Variants in TTLL11 observed in about 807,000 individuals in gnomAD.
TTLL11 encodes the protein tubulin tyrosine ligase like 11.
TTLL11 carries 42 observed loss-of-function variants against 51.7 expected under a neutral mutation model. That is an observed-to-expected ratio of 0.81 (90% CI 0.64 to 1.05). The LOEUF (loss-of-function observed/expected upper bound fraction) is 1.05. TTLL11 is among the 50% of genes least tolerant of loss of function. The probability of loss-of-function intolerance (pLI) is 0.00; values close to 1 mark genes in which losing one functional copy is unlikely to be tolerated. For synonymous variants in TTLL11, 381 were observed against 383.5 expected, an observed-to-expected ratio of 0.99 and a Z score of 0.08; for missense variants, 799 against 940.4, an observed-to-expected ratio of 0.85 and a Z score of 1.97.
At chr9:121,918,203 C>G (rs1315115285) in intron 6 of TTLL11, among the ~76,000 whole-genome samples, 1 of 152,142 alleles carries the variant, frequency 6.6e-6, no homozygotes, top group Admixed American at 6.5e-5. Context: ...GGGAGACTCT[C>G]CACATCTTTG....
At chr9:121,992,072 C>T (rs959478838) in intron 3 of TTLL11, among the ~76,000 whole-genome samples, 2 of 152,196 alleles carry the variant, frequency 1.3e-5, no homozygotes, top group African/African-American at 2.4e-5. Context: ...ACTCTGGCCT[C>T]ACCCTAAAGA....
intron 1 of TTLL11, among the ~76,000 whole-genome samples, chr9:122,064,053 T>C (rs893605909): frequency 2.0e-5 from 3 of 152,242 alleles, no homozygotes; most frequent in African/African-American, 7.2e-5. Context: ...AATGTTCTTA[T>C]TCTCTTCTAA....
chr9:122,065,163 G>A (rs924120254), intron 1 of TTLL11, among the ~76,000 whole-genome samples: 3 of 152,186 alleles, frequency 2.0e-5, no homozygotes, highest in African/African-American at 7.2e-5. Context: ...GTGATTCTTA[G>A]GATCAGACAA....
At chr9:121,860,011 A>G (rs1837955883) in intron 8 of TTLL11, among the ~76,000 whole-genome samples, 1 of 152,194 alleles carries the variant, frequency 6.6e-6, no homozygotes, top group Non-Finnish European at 1.5e-5. Context: ...ACCAAGCACT[A>G]TACCCTCCAG....
At chr9:122,008,049 G>T (rs747927123) in intron 3 of TTLL11, among the ~76,000 whole-genome samples, 28 of 152,094 alleles carry the variant, frequency 1.8e-4, no homozygotes, top group Non-Finnish European at 1.0e-4. Context: ...GTGTATCCTG[G>T]ATCTAATACT....
chr9:121,959,837 C>T (rs73662543), intron 6 of TTLL11, among the ~76,000 whole-genome samples: 11,730 of 151,962 alleles, frequency 0.077, 682 homozygotes, highest in African/African-American at 0.16. Context: ...GCAGCTCTGG[C>T]CCCATCTCTT....
intron 6 of TTLL11, among the ~76,000 whole-genome samples, chr9:121,945,560 C>A (rs1000939500): frequency 2.0e-5 from 3 of 152,166 alleles, no homozygotes; most frequent in African/African-American, 7.2e-5. Context: ...ATCTAAAGCT[C>A]CTTAACCTGG....
chr9:121,877,641 G>A (rs4836869), intron 6 of TTLL11, among the ~76,000 whole-genome samples: 104,114 of 152,044 alleles, frequency 0.68, 35,826 homozygotes, highest in East Asian at 0.89. Flanking sequence ...ACATCAAAAC[G>A]CAACAAAACA....
At chr9:122,057,168 C>T (rs1181338022) in intron 1 of TTLL11, among the ~76,000 whole-genome samples, 4 of 152,116 alleles carry the variant, frequency 2.6e-5, no homozygotes, top group Middle Eastern at 3.2e-3. Flanking sequence ...GGGAGGATGG[C>T]ATTTTACTGC....
Position 122,092,871 on chromosome 9 carries a change from G to A in TTLL11, c.278C>T (p.Pro93Leu), listed in dbSNP as rs1401367677. The A allele has an allele frequency of 1.9e-6, 3 of 1,571,872 alleles. No homozygotes were observed. The highest frequency in any genetic ancestry group is 2.6e-6 in the Non-Finnish European group (3 of 1,166,410). Residue 93 changes from proline to leucine, a missense_variant, in exon 1 of 9, where the codon CCG becomes CTG. By Grantham distance (98) the Pro-to-Leu change is moderately conservative. Coordinates refer to ENST00000321582, the MANE Select transcript of TTLL11 (RefSeq NM_001139442.2). ...CGGGCAGAGGCCCTGCACCGGCTTCGGCTTGGACGGGGGCAGCGTGGGCGG... is the reference window on the plus strand; with the variant it reads ...CGGGCAGAGGCCCTGCACCGGCTTCAGCTTGGACGGGGGCAGCGTGGGCGG... Reference protein sequence around the residue: ...RPPPTLPPSKPKPVQGLCPHG... With the variant: ...RPPPTLPPSKLKPVQGLCPHG...
chr9:121,887,321 A>G (rs1242502556), intron 6 of TTLL11, among the ~76,000 whole-genome samples: 1 of 152,142 alleles, frequency 6.6e-6, no homozygotes, highest in Non-Finnish European at 1.5e-5. Context: ...AGGCGGTGAG[A>G]GTGGGTGGAG....
rs982055821 is a variant in TTLL11, at chr9:121,815,686, T to C, written c.*6901A>G. 11 of 152,206 alleles carry C rather than the reference T, an allele frequency of 7.2e-5. No individual in the cohort carries two copies. Among genetic ancestry groups the C allele is most frequent in the Non-Finnish European group, 1.3e-4 (9 of 68,040 alleles). The allele number at this position is 152,206 out of a possible 1,614,324, so 9.4% of individuals were successfully genotyped here. A position where few individuals can be genotyped will look rare whatever the true frequency, so the allele number is the denominator to read the frequency against. ...CAATACTTCGCAGTCGTTTATACAATGAGCCTGTGTTTAGCAACACTCAGC... is the reference window on the plus strand; with the variant it reads ...CAATACTTCGCAGTCGTTTATACAACGAGCCTGTGTTTAGCAACACTCAGC... On this transcript the variant is annotated 3_prime_UTR_variant, in exon 9 of 9. Coordinates refer to ENST00000321582, the MANE Select transcript of TTLL11 (RefSeq NM_001139442.2).
At chr9:121,877,426 G>A (rs974223539) in intron 6 of TTLL11, among the ~76,000 whole-genome samples, 11 of 152,110 alleles carry the variant, frequency 7.2e-5, no homozygotes, top group Non-Finnish European at 1.5e-5. Flanking sequence ...AACAGGTGAG[G>A]CGTGGGCTTC....
intron 8 of TTLL11, among the ~76,000 whole-genome samples, chr9:121,827,198 C>T (rs1012353443): frequency 7.2e-5 from 11 of 152,046 alleles, no homozygotes; most frequent in African/African-American, 1.2e-4. Context: ...TGAAATCTTC[C>T]GAGGGAGTCC....
chr9:121,974,073 T>G lies in TTLL11; in HGVS notation c.1417A>C (p.Lys473Gln). 3 of 1,551,746 alleles carry G rather than the reference T, an allele frequency of 1.9e-6. No individual in the cohort carries two copies. The highest frequency in any genetic ancestry group is 2.6e-6 in the Non-Finnish European group (3 of 1,146,994). ...NVPSLVDEEV[K>Q]VAVIRDTLRL... The stretch of plus-strand genomic sequence containing the variant: ...AGAGTGTCTCTGATCACAGCCACTT[T>G]CACTTCTTCATCAACGAGGCTGGGG... The change falls in exon 6 of 9, where the codon AAA becomes CAA. Residue 473 changes from lysine (K) to glutamine (Q), a missense_variant. Physicochemically the swap from Lys to Gln is moderately conservative, Grantham distance 53. Transcript: ENST00000321582.
intron 6 of TTLL11, among the ~76,000 whole-genome samples, chr9:121,891,920 GTA>G (rs890521778): frequency 4.7e-5 from 7 of 148,108 alleles, no homozygotes; most frequent in Admixed American, 2.7e-4. Flanking sequence ...ATACGTGTGT[GTA>G]TATATATGAT....
At chr9:122,051,041 G>A (rs915440980) in intron 1 of TTLL11, among the ~76,000 whole-genome samples, 2 of 152,160 alleles carry the variant, frequency 1.3e-5, no homozygotes, top group Admixed American at 1.3e-4. Context: ...AATAGATAAT[G>A]AATGCACCAT....
chr9:121,860,874 T>C (rs527275362), intron 7 of TTLL11, among the ~76,000 whole-genome samples: 1 of 152,338 alleles, frequency 6.6e-6, no homozygotes, highest in Non-Finnish European at 1.5e-5. Context: ...CTGAACCGAC[T>C]GACATTGTTT....
intron 3 of TTLL11, among the ~76,000 whole-genome samples, chr9:121,990,886 G>A (rs1162011156): frequency 6.6e-6 from 1 of 152,192 alleles, no homozygotes; most frequent in African/African-American, 2.4e-5. Flanking sequence ...ATCTGGACCT[G>A]TGGGTCTGCA....
Sources: gnomAD v4.1 joint callset for allele counts (sites outside exome capture counted in the v4.1 genomes callset) on GRCh38, gnomAD v4.1.1 for gene constraint, MANE v1.5 for transcripts, NCBI Gene and HGNC (gene_info 2026-07-23, HGNC 2026-07-21) for gene names.